The following IQGAP1 variants were observed in gnomAD, a reference collection of about 807,000 sequenced individuals.
IQGAP1 encodes IQ motif containing GTPase activating protein 1.
A neutral mutation model predicts 215.6 loss-of-function variants in IQGAP1; 66 were observed. That is an observed-to-expected ratio of 0.31 (90% CI 0.25 to 0.38). The LOEUF (loss-of-function observed/expected upper bound fraction) is 0.38, where lower values mean the gene tolerates loss of function less well. Ranked by LOEUF, IQGAP1 falls within the 10% of genes least tolerant of loss-of-function variation. The pLI is 1.00. For missense variants in IQGAP1, 1,712 were observed against 1,997.1 expected (o/e 0.86, Z 2.72); for synonymous variants, 772 against 728.7 (o/e 1.06, Z -0.96).
chr15:90,416,901 C>G (rs527238488), intron 2 of IQGAP1, among the ~76,000 whole-genome samples: 4 of 152,210 alleles, frequency 2.6e-5, no homozygotes, highest in Admixed American at 6.5e-5. Flanking sequence ...TTAATGATCA[C>G]TATTCTAACT....
chr15:90,435,924 C>A (rs1009566438), intron 5 of IQGAP1, among the ~76,000 whole-genome samples: 1 of 152,128 alleles, frequency 6.6e-6, no homozygotes, highest in African/African-American at 2.4e-5. Flanking sequence ...TTTATAATTG[C>A]TGAAAGTGCC....
intron 37 of IQGAP1, among the ~76,000 whole-genome samples, chr15:90,499,419 G>A (rs1447386658): frequency 6.6e-6 from 1 of 152,180 alleles, no homozygotes; most frequent in South Asian, 2.1e-4. Flanking sequence ...CCAAGCACAT[G>A]GCAGACACCT....
At chr15:90,433,589 C>T (rs548993857) in intron 4 of IQGAP1, 130 bp from the exon 5 acceptor site, 9 of 471,686 alleles carry the variant, frequency 1.9e-5, no homozygotes, top group Middle Eastern at 2.8e-4. Context: ...TGAATGCCAC[C>T]GATGTTTTCT....
intron 12 of IQGAP1, 94 bp from the exon 13 acceptor site, chr15:90,453,038 C>G (rs1320290217): frequency 1.9e-6 from 3 of 1,551,406 alleles, no homozygotes; most frequent in African/African-American, 2.7e-5. Context: ...TTTGCATAAA[C>G]TTGGTTTTCT....
chr15:90,402,853 A>G (rs1964822557), intron 2 of IQGAP1, among the ~76,000 whole-genome samples: 1 of 152,262 alleles, frequency 6.6e-6, no homozygotes, highest in Non-Finnish European at 1.5e-5. Flanking sequence ...AGTCTCACAG[A>G]TATGCATGCA....
chr15:90,465,424 G>C (rs1215006142), intron 15 of IQGAP1, among the ~76,000 whole-genome samples: 4 of 152,236 alleles, frequency 2.6e-5, no homozygotes, highest in African/African-American at 9.6e-5. Flanking sequence ...GCCCCTTCTA[G>C]CTGTTCACAA....
chr15:90,390,200 A>G (rs1372679625), intron 1 of IQGAP1, among the ~76,000 whole-genome samples: 1 of 152,206 alleles, frequency 6.6e-6, no homozygotes, highest in African/African-American at 2.4e-5. Flanking sequence ...CCATGAAGGA[A>G]GCAGATTGCT....
intron 15 of IQGAP1, among the ~76,000 whole-genome samples, chr15:90,460,094 G>C (rs924132106): frequency 6.6e-6 from 1 of 151,322 alleles, no homozygotes; most frequent in Non-Finnish European, 1.5e-5. Flanking sequence ...CCCAAGAGAT[G>C]GTTCTTGGAT....
At chr15:90,418,160 A>T (rs1270327395) in intron 2 of IQGAP1, among the ~76,000 whole-genome samples, 1 of 152,248 alleles carries the variant, frequency 6.6e-6, no homozygotes, top group African/African-American at 2.4e-5. Flanking sequence ...TGTTCCACAC[A>T]GTAGTCAGTT....
chr15:90,487,179 G>C, intron 32 of IQGAP1, 90 bp downstream of exon 32: 2 of 1,222,804 alleles, frequency 1.6e-6, no homozygotes. Context: ...TACCTGAAAT[G>C]ACCATCCTGA....
At chr15:90,473,873 T>C in intron 20 of IQGAP1, 23 bp from the exon 21 acceptor site, 1 of 1,613,602 alleles carries the variant, frequency 6.2e-7, no homozygotes, top group Non-Finnish European at 8.5e-7. Flanking sequence ...ACTCTTCTAA[T>C]TTCCAGGATC....
At chr15:90,436,079 C>A (rs200324390) in intron 5 of IQGAP1, among the ~76,000 whole-genome samples, 1 of 112,134 alleles carries the variant, frequency 8.9e-6, no homozygotes, top group Middle Eastern at 4.3e-3. Flanking sequence ...TTTTTTTTTT[C>A]CTCTAAAGTC....
At chr15:90,471,951 C>A (rs561729443) in intron 18 of IQGAP1, among the ~76,000 whole-genome samples, 1 of 152,286 alleles carries the variant, frequency 6.6e-6, no homozygotes, top group Non-Finnish European at 1.5e-5. Context: ...CAAGCCCAGG[C>A]CATCTGTCAC....
At chr15:90,493,237 T>G (rs1351290887) in intron 35 of IQGAP1, among the ~76,000 whole-genome samples, 1 of 124,970 alleles carries the variant, frequency 8.0e-6, no homozygotes, top group Non-Finnish European at 1.6e-5. Context: ...AACAAGACTC[T>G]GGAAAAAAAA....
chr15:90,448,175 A>C (rs1198038139), intron 9 of IQGAP1, among the ~76,000 whole-genome samples: 3 of 152,210 alleles, frequency 2.0e-5, no homozygotes, highest in Non-Finnish European at 4.4e-5. Flanking sequence ...AAGATGTAGT[A>C]AGTGGCCACG....
At chr15:90,390,681 A>C (rs1175998569) in intron 1 of IQGAP1, 93 bp from the exon 2 acceptor site, 4 of 815,624 alleles carry the variant, frequency 4.9e-6, no homozygotes, top group Non-Finnish European at 8.4e-6. Flanking sequence ...CTGACTTTCT[A>C]GGTGAGTGGC....
At chr15:90,412,989 AC>A (rs1159055295) in intron 2 of IQGAP1, among the ~76,000 whole-genome samples, 1 of 151,832 alleles carries the variant, frequency 6.6e-6, no homozygotes, top group African/African-American at 2.4e-5. Flanking sequence ...TCAGATTTCC[AC>A]CCTTATTCTT....
rs202033458 is a variant in IQGAP1, at chr15:90,491,721, T to G, written c.4461+176T>G. On this transcript the variant is annotated intron_variant, in intron 34 of 37. Transcript: ENST00000268182. Reference sequence around the variant, plus strand: ...GGGCCTTGCCCGACCTGAGGTGGCTTATTCCATGGCCTAAATTACTAGGGA... The same window carrying G: ...GGGCCTTGCCCGACCTGAGGTGGCTGATTCCATGGCCTAAATTACTAGGGA... 25 of 598,740 alleles carry G rather than the reference T, an allele frequency of 4.2e-5. No individual in the cohort carries two copies. The East Asian group carries it at 6.7e-4, about 16-fold the overall frequency. 37.1% of individuals were successfully genotyped at this position (598,740 alleles called of 1,614,324 possible). A position where few individuals can be genotyped will look rare whatever the true frequency, so the allele number is the denominator to read the frequency against.
intron 4 of IQGAP1, among the ~76,000 whole-genome samples, chr15:90,432,931 T>A (rs1965322456): frequency 6.6e-6 from 1 of 152,158 alleles, no homozygotes; most frequent in Non-Finnish European, 1.5e-5. Flanking sequence ...CTAAATCTAC[T>A]CTGTTCCTAT....
Sources: gnomAD v4.1 joint callset for allele counts (sites outside exome capture counted in the v4.1 genomes callset) on GRCh38, gnomAD v4.1.1 for gene constraint, MANE v1.5 for transcripts, NCBI Gene and HGNC (gene_info 2026-07-23, HGNC 2026-07-21) for gene names.